SAMSN1: variants seen among roughly 807,000 people sequenced by gnomAD.
SAMSN1 encodes the protein SAM domain, SH3 domain and nuclear localization signals 1.
Under a neutral mutation model 42.0 loss-of-function variants are expected in SAMSN1, and 31 were observed. The ratio of observed to expected loss-of-function variants is 0.74; its 90% CI spans 0.55 to 1.00. The LOEUF is 1.00. Ranked by LOEUF, SAMSN1 falls within the 50% of genes least tolerant of loss-of-function variation. SAMSN1 has a pLI of 0.00. For synonymous variants in SAMSN1, 178 were observed against 151.9 expected (o/e 1.17, Z -1.26); for missense variants, 464 against 439.4 (o/e 1.06, Z -0.50).
At chr21:14,641,728 A>G (rs1271274701) in intron 2 of SAMSN1, among the ~76,000 whole-genome samples, 1 of 152,200 alleles carries the variant, frequency 6.6e-6, no homozygotes, top group Admixed American at 6.5e-5. Flanking sequence ...CTTTATCTGT[A>G]GTAGACATAG....
exon 2 of SAMSN1, chr21:14,643,032 C>G: frequency 1.4e-6 from 1 of 717,254 alleles, no homozygotes; most frequent in Non-Finnish European, 2.6e-6. Flanking sequence ...TTTGTTCACT[C>G]TCTCCAAAGG....
At chr21:14,530,304 G>C (rs1322984658) in intron 1 of SAMSN1, among the ~76,000 whole-genome samples, 1 of 123,240 alleles carries the variant, frequency 8.1e-6, no homozygotes, top group South Asian at 2.5e-4. Flanking sequence ...GCAACAGAGC[G>C]AGACTCCGTC....
chr21:14,540,228 A>AT (rs1373321526), intron 1 of SAMSN1, among the ~76,000 whole-genome samples: 1 of 152,246 alleles, frequency 6.6e-6, no homozygotes, highest in African/African-American at 2.4e-5. Context: ...GGACATAGGC[A>AT]TGGGCAAGGA....
intron 1 of SAMSN1, among the ~76,000 whole-genome samples, chr21:14,646,586 A>G (rs1288281992): frequency 1.3e-5 from 2 of 152,190 alleles, no homozygotes; most frequent in African/African-American, 4.8e-5. Flanking sequence ...TACAAAACTC[A>G]CTGGTAATAG....
intron 7 of SAMSN1, among the ~76,000 whole-genome samples, chr21:14,489,079 A>G (rs1986564396): frequency 6.6e-6 from 1 of 152,198 alleles, no homozygotes; most frequent in Non-Finnish European, 1.5e-5. Context: ...GAGGAGATGA[A>G]TTCACATTAA....
intron 2 of SAMSN1, among the ~76,000 whole-genome samples, chr21:14,573,708 G>A (rs1291519059): frequency 1.3e-5 from 2 of 152,062 alleles, no homozygotes; most frequent in Non-Finnish European, 2.9e-5. Flanking sequence ...GTATCCTTAT[G>A]ACCCAAACTA....
Position 14,510,379 on chromosome 21 carries a change from G to A in SAMSN1, c.492C>T (p.Phe164=), listed in dbSNP as rs1480064173. The change falls in exon 5 of 8, where the codon TTC becomes TTT. Residue 164 remains phenylalanine, a synonymous_variant. Transcript: ENST00000400566. ...LDDDGPYSGP[F]CGRARVHTDF... Reference sequence around the variant, plus strand: ...CCGTATGCACTCTGGCACGGCCACAGAATGGTCCTGAATAGGGGCCATCGT... The same window carrying A: ...CCGTATGCACTCTGGCACGGCCACAAAATGGTCCTGAATAGGGGCCATCGT... The A allele has an allele frequency of 1.9e-6, 3 of 1,614,044 alleles. No individual in the cohort carries two copies.
chr21:14,521,116 C>G, intron 2 of SAMSN1, 34 bp downstream of exon 2: 1 of 1,296,418 alleles, frequency 7.7e-7, no homozygotes, highest in Non-Finnish European at 1.1e-6. Flanking sequence ...AATGTGTTTG[C>G]ATAACATTCA....
intron 1 of SAMSN1, among the ~76,000 whole-genome samples, chr21:14,658,445 A>G (rs2123405753): frequency 2.0e-5 from 3 of 152,072 alleles, no homozygotes; most frequent in Middle Eastern, 6.8e-3. Flanking sequence ...TCTCATAACA[A>G]ATAGAAGAAA....
chr21:14,493,904 T>C (rs369222279), intron 7 of SAMSN1, among the ~76,000 whole-genome samples: 12 of 152,262 alleles, frequency 7.9e-5, no homozygotes, highest in African/African-American at 2.6e-4. Flanking sequence ...CCAGGGTGGT[T>C]ATCCTCCTCC....
At position 14,485,380 on chromosome 21, in the gene SAMSN1, A is replaced by C. The variant is rs953815029; in HGVS notation, c.*532T>G. ...CATTATCTCTACTTTTATACCAGAA[A>C]ACAAAATGAAGAAATCAACAAAATA... is the stretch of plus-strand genomic sequence containing the variant. On this transcript the variant is annotated 3_prime_UTR_variant, in exon 8 of 8. Transcript: ENST00000400566. 6.6e-5 allele frequency: 10 copies of C among 152,456 alleles called. No individual in the cohort carries two copies. Among genetic ancestry groups the C allele is most frequent in the African/African-American group, 2.4e-4 (10 of 41,446 alleles). 9.4% of individuals were successfully genotyped at this position (152,456 alleles called of 1,614,324 possible).
At chr21:14,561,541 A>G (rs2205365) in intron 2 of SAMSN1, among the ~76,000 whole-genome samples, 86,817 of 151,970 alleles carry the variant, frequency 0.57, 26,047 homozygotes, top group East Asian at 0.79. Flanking sequence ...CATGGGAGGG[A>G]GATGACAGGT....
At chr21:14,603,613 G>A (rs911141212) in intron 5 of SAMSN1, among the ~76,000 whole-genome samples, 4 of 152,158 alleles carry the variant, frequency 2.6e-5, no homozygotes, top group Admixed American at 6.5e-5. Context: ...AGGCCAGAGG[G>A]CAATTCTGGA....
chr21:14,485,516 C>G lies in SAMSN1; in HGVS notation c.*396G>C, dbSNP rs916098154. The G allele has an allele frequency of 6.3e-6, 1 of 158,408 alleles. No individual in the cohort carries two copies. The highest frequency in any genetic ancestry group is 1.4e-5 in the Non-Finnish European group (1 of 71,828). 9.8% of individuals were successfully genotyped at this position (158,408 alleles called of 1,614,324 possible). On this transcript the variant is annotated 3_prime_UTR_variant, in exon 8 of 8. Transcript: ENST00000400566. The stretch of plus-strand genomic sequence containing the variant: ...ACATTGCTTGGACAACTTGTTTCAA[C>G]AGCGAATCCTCTATTACTATTTGTT...
chr21:14,643,136 G>A, intron 1 of SAMSN1: 2 of 716,364 alleles, frequency 2.8e-6, no homozygotes, highest in Non-Finnish European at 5.2e-6. Flanking sequence ...GAGCCCTCCT[G>A]CAATACAGAG....
At chr21:14,546,670 A>T (rs916829112), upstream of SAMSN1, among the ~76,000 whole-genome samples, 2 of 34,178 alleles carry the variant, frequency 5.9e-5, no homozygotes, top group South Asian at 1.0e-3. Context: ...TCTATTATTT[A>T]AAAAAAAAAA....
intron 5 of SAMSN1, among the ~76,000 whole-genome samples, chr21:14,603,184 G>T (rs1054322565): frequency 6.6e-6 from 1 of 152,048 alleles, no homozygotes; most frequent in Non-Finnish European, 1.5e-5. Context: ...AAAAAATATT[G>T]CCTCCCCTCT....
At chr21:14,498,291 T>C in intron 7 of SAMSN1, 151 bp downstream of exon 7, 3 of 636,236 alleles carry the variant, frequency 4.7e-6, no homozygotes, top group Non-Finnish European at 7.8e-6. Context: ...ACCAGAGTTA[T>C]TGTTTTCAAA....
chr21:14,527,667 A>G (rs935673815), intron 1 of SAMSN1, among the ~76,000 whole-genome samples: 32 of 152,016 alleles, frequency 2.1e-4, no homozygotes, highest in Admixed American at 1.7e-3. Flanking sequence ...TTTCCATGCT[A>G]AAGATTTGCT....
Sources: gnomAD v4.1 joint callset for allele counts (sites outside exome capture counted in the v4.1 genomes callset) on GRCh38, gnomAD v4.1.1 for gene constraint, MANE v1.5 for transcripts, NCBI Gene and HGNC (gene_info 2026-07-23, HGNC 2026-07-21) for gene names.